BICD1: variants seen among roughly 807,000 people sequenced by gnomAD.
BICD1 encodes the protein BICD cargo adaptor 1.
Under a neutral mutation model 92.5 loss-of-function variants are expected in BICD1, and 35 were observed. That is an observed-to-expected ratio of 0.38 (90% CI 0.29 to 0.50). The LOEUF (loss-of-function observed/expected upper bound fraction) is 0.50. Among genes scored for constraint, BICD1 ranks in the 20% least tolerant of loss-of-function variants. BICD1 has a pLI of 0.93. For synonymous variants in BICD1, 429 were observed against 465.1 expected (o/e 0.92, Z 1.00); for missense variants, 950 against 1,189.8 (o/e 0.80, Z 2.97).
chr12:32,293,557 T>G (rs1947779377), intron 2 of BICD1, among the ~76,000 whole-genome samples: 1 of 151,926 alleles, frequency 6.6e-6, no homozygotes, highest in South Asian at 2.1e-4. Context: ...CTCAAACTCC[T>G]GACCTCAGGT....
intron 1 of BICD1, among the ~76,000 whole-genome samples, chr12:32,161,142 C>T (rs1376130686): frequency 6.6e-6 from 1 of 152,176 alleles, no homozygotes; most frequent in African/African-American, 2.4e-5. Context: ...TTTAACATGA[C>T]TTACTGAGCC....
rs759522340 is a variant in BICD1 at position 32,337,852 on chromosome 12, GGC to G, written c.2570+37_2570+38del. 3 of 1,593,320 alleles carry G rather than the reference GGC, an allele frequency of 1.9e-6. No individual in the cohort carries two copies. In the South Asian group the frequency reaches 3.3e-5, roughly 18 times the overall value. On this transcript the variant is annotated intron_variant, in intron 7 of 9. Transcript: ENST00000652176. This position sits in a 1 kb window ranked among gnomAD's most constrained non-coding sequence, Gnocchi z 4.7. ...AGCGATCTTCATAGTACGGTGCAGTGGCCAGATTTTAGTTAACTGCAAAAATA... is the reference window on the plus strand; with the variant it reads ...AGCGATCTTCATAGTACGGTGCAGTGCAGATTTTAGTTAACTGCAAAAATA...
At chr12:32,158,973 G>A (rs911519120) in intron 1 of BICD1, among the ~76,000 whole-genome samples, 17 of 151,890 alleles carry the variant, frequency 1.1e-4, no homozygotes, top group South Asian at 4.2e-4. Flanking sequence ...TCGCTCTGTC[G>A]CCCAGGCTGG....
intron 2 of BICD1, among the ~76,000 whole-genome samples, chr12:32,244,067 C>CATATCATATTTATTCATACACAT (rs1946305829): frequency 2.7e-5 from 4 of 147,102 alleles, no homozygotes; most frequent in African/African-American, 1.1e-4. Flanking sequence ...GGTAAGAAGA[C>CATATCATATTTATTCATACACAT]TCATTCTTTA....
At chr12:32,182,886 C>CTTTTT (rs1335811260) in intron 1 of BICD1, among the ~76,000 whole-genome samples, 13 of 80,414 alleles carry the variant, frequency 1.6e-4, no homozygotes, top group African/African-American at 5.8e-4. Flanking sequence ...TCTTTTCTTT[C>CTTTTT]TTTCTTTTTT....
At chr12:32,275,031 G>A (rs916799855) in intron 2 of BICD1, among the ~76,000 whole-genome samples, 5 of 151,804 alleles carry the variant, frequency 3.3e-5, no homozygotes, top group African/African-American at 9.7e-5. Flanking sequence ...ATAAATTCAT[G>A]CTTGTAATTG....
chr12:32,319,766 T>G (rs1008098328), intron 4 of BICD1, among the ~76,000 whole-genome samples: 1 of 152,052 alleles, frequency 6.6e-6, no homozygotes, highest in South Asian at 2.1e-4. Flanking sequence ...TTAGTAGAGA[T>G]GGGGTTTCAC....
intron 5 of BICD1, among the ~76,000 whole-genome samples, chr12:32,330,095 C>G (rs148320343): frequency 5.9e-5 from 9 of 152,204 alleles, no homozygotes; most frequent in Admixed American, 1.3e-4. Context: ...GGGAAAACCA[C>G]GCCCTTATTA....
chr12:32,208,247 A>T (rs1011436727), intron 1 of BICD1, among the ~76,000 whole-genome samples: 1 of 152,220 alleles, frequency 6.6e-6, no homozygotes, highest in Admixed American at 6.5e-5. Flanking sequence ...ATTAAACCCC[A>T]ATGGATTTGA....
rs139308248 is a variant in BICD1 at position 32,171,758 on chromosome 12, G to A, written c.214-44489G>A. Among the ~76,000 whole-genome samples, 55 of 152,128 alleles carry A rather than the reference G, an allele frequency of 3.6e-4. 1 individual carries two copies. The highest frequency in any genetic ancestry group is 1.2e-3 in the African/African-American group (49 of 41,516). On this transcript the variant is annotated intron_variant, in intron 1 of 9. Transcript: ENST00000652176. ...AGACCAGTCTGGCCAACATGGTGAA[G>A]CCCGGTCTCTACTAAAAATGTAAAA... is the stretch of plus-strand genomic sequence containing the variant.
intron 2 of BICD1, among the ~76,000 whole-genome samples, chr12:32,223,191 G>A (rs1945585294): frequency 6.6e-6 from 1 of 152,112 alleles, no homozygotes; most frequent in African/African-American, 2.4e-5. Flanking sequence ...CTTTTCTTTT[G>A]CAGCATTCTC....
At chr12:32,220,224 A>G (rs907645954) in intron 2 of BICD1, among the ~76,000 whole-genome samples, 1 of 152,174 alleles carries the variant, frequency 6.6e-6, no homozygotes, top group African/African-American at 2.4e-5. Flanking sequence ...AATGGCAACA[A>G]AAGACAAAAT....
intron 1 of BICD1, among the ~76,000 whole-genome samples, chr12:32,177,712 T>TAAATATATAAATATATTTATAA (rs1555142420): frequency 7.4e-5 from 8 of 107,886 alleles, no homozygotes; most frequent in African/African-American, 2.2e-4. Context: ...TAGTAGAGTA[T>TAAATATATAAATATATTTATAA]AAATATATAA....
At position 32,216,207 on chromosome 12, in the gene BICD1, A is replaced by AACCCTTAAAAGAGGG. The variant is rs778031212; in HGVS notation, c.214-40_214-39insACCCTTAAAAGAGGG. On this transcript the variant is annotated intron_variant, in intron 1 of 9. Coordinates refer to ENST00000652176, the MANE Select transcript of BICD1 (RefSeq NM_001714.4). ...AAGTCTTAAAAGAGGGTTATGATGCATTTCATTGTGTACTCTTTTTCTTCC... is the reference window on the plus strand; with the variant it reads ...AAGTCTTAAAAGAGGGTTATGATGCAACCCTTAAAAGAGGGTTTCATTGTGTACTCTTTTTCTTCC... 6.4e-5 allele frequency: 102 copies of AACCCTTAAAAGAGGG among 1,594,228 alleles called. 1 individual carries two copies. In the South Asian group the frequency reaches 1.0e-3, roughly 16 times the overall value.
At chr12:32,142,371 A>C (rs1166627877) in intron 1 of BICD1, among the ~76,000 whole-genome samples, 11 of 139,978 alleles carry the variant, frequency 7.9e-5, no homozygotes, top group Non-Finnish European at 1.5e-4. Flanking sequence ...GTGTCACCAC[A>C]CTTCCAGCCT....
At chr12:32,136,732 C>G (rs1182900159) in intron 1 of BICD1, among the ~76,000 whole-genome samples, 1 of 152,046 alleles carries the variant, frequency 6.6e-6, no homozygotes, top group Non-Finnish European at 1.5e-5. Flanking sequence ...TATTGACATG[C>G]CATTTTGATA....
At chr12:32,239,240 C>A (rs1946163854) in intron 2 of BICD1, among the ~76,000 whole-genome samples, 1 of 66,100 alleles carries the variant, frequency 1.5e-5, no homozygotes, top group Non-Finnish European at 3.0e-5. Context: ...GAGTCAGACT[C>A]CGTCTCAAAA....
intron 1 of BICD1, among the ~76,000 whole-genome samples, chr12:32,116,490 C>T (rs199664002): frequency 1.5e-4 from 19 of 123,504 alleles, no homozygotes; most frequent in South Asian, 5.9e-4. Flanking sequence ...CTCTCTCTCT[C>T]TTTCTCTCTC....
intron 8 of BICD1, among the ~76,000 whole-genome samples, chr12:32,349,496 A>G (rs1740307309): frequency 6.6e-6 from 1 of 152,178 alleles, no homozygotes; most frequent in African/African-American, 2.4e-5. Context: ...AAATCCTGGA[A>G]GGGCATCTCC....
Sources: allele counts gnomAD v4.1 joint callset (sites outside exome capture counted in the v4.1 genomes callset), GRCh38; gene constraint gnomAD v4.1.1; non-coding constraint Gnocchi (gnomAD v3.1); transcripts MANE v1.5; gene names NCBI Gene and HGNC (gene_info 2026-07-23, HGNC 2026-07-21).